TRDN: variants seen among roughly 807,000 people sequenced by gnomAD.
TRDN encodes the protein triadin, also known as triadin in skeletal muscle.
A neutral mutation model predicts 149.7 loss-of-function variants in TRDN; 161 were observed. That is an observed-to-expected ratio of 1.08 (90% CI 0.95 to 1.23). The LOEUF (loss-of-function observed/expected upper bound fraction) is 1.23. Ranked by LOEUF, TRDN falls within the 50% of genes most tolerant of loss-of-function variation. The pLI is 0.00. For synonymous variants in TRDN, 294 were observed against 250.5 expected (o/e 1.17, Z -1.64); for missense variants, 896 against 823.5 (o/e 1.09, Z -1.08).
chr6:123,236,824 CTT>C (rs1215341327), intron 38 of TRDN, among the ~76,000 whole-genome samples: 1 of 151,824 alleles, frequency 6.6e-6, no homozygotes, highest in Non-Finnish European at 1.5e-5. Flanking sequence ...ATCCCATACT[CTT>C]GTGATTACTG....
chr6:123,370,503 AGGTCACAACCAGTT>A (rs1253324179), intron 19 of TRDN, among the ~76,000 whole-genome samples: 3 of 152,174 alleles, frequency 2.0e-5, no homozygotes, highest in African/African-American at 7.2e-5. Flanking sequence ...AGTGGACACT[AGGTCACAACCAGTT>A]TTGTGTTTTC....
At chr6:123,424,624 G>T (rs185752796) in intron 12 of TRDN, among the ~76,000 whole-genome samples, 1 of 152,082 alleles carries the variant, frequency 6.6e-6, no homozygotes, top group African/African-American at 2.4e-5. Context: ...TGCTGAAACC[G>T]TGAGTTCTAT....
intron 1 of TRDN, among the ~76,000 whole-genome samples, chr6:123,588,439 T>C (rs1407837912): frequency 1.3e-5 from 2 of 152,172 alleles, no homozygotes; most frequent in Non-Finnish European, 2.9e-5. Flanking sequence ...CTCCTTCCCA[T>C]CATGGCCTGA....
chr6:123,550,092 A>G (rs1026635569), intron 2 of TRDN, among the ~76,000 whole-genome samples: 5 of 152,086 alleles, frequency 3.3e-5, no homozygotes, highest in Non-Finnish European at 7.4e-5. Context: ...ATGATTTACA[A>G]AAGAGAAGCT....
intron 12 of TRDN, among the ~76,000 whole-genome samples, chr6:123,395,214 C>T (rs1294907030): frequency 6.6e-6 from 1 of 152,068 alleles, no homozygotes; most frequent in Non-Finnish European, 1.5e-5. Flanking sequence ...TTATCTTCTC[C>T]TTTTTCTTTA....
chr6:123,225,131 A>C (rs1016844255), intron 38 of TRDN, among the ~76,000 whole-genome samples: 15 of 87,270 alleles, frequency 1.7e-4, no homozygotes, highest in Admixed American at 1.2e-3. Context: ...GGCACGTGGA[A>C]AGATGCCTTA....
chr6:123,550,103 C>G (rs1180897185), intron 2 of TRDN, among the ~76,000 whole-genome samples: 1 of 151,942 alleles, frequency 6.6e-6, no homozygotes, highest in Non-Finnish European at 1.5e-5. Context: ...AAGAGAAGCT[C>G]TAACTGAAAA....
intron 39 of TRDN, among the ~76,000 whole-genome samples, chr6:123,222,488 T>C (rs1582736089): frequency 8.2e-5 from 1 of 12,128 alleles, no homozygotes; most frequent in Non-Finnish European, 3.9e-4. Context: ...CTTAATTCAA[T>C]TTAAAAAATA....
In TRDN at chr6:123,475,658, A is replaced by G. The variant is rs1193535612; in HGVS notation, c.854-10675T>C. Among the ~76,000 whole-genome samples the G allele has an allele frequency of 3.6e-3, 425 of 118,488 alleles. 2 individuals carry two copies. Among genetic ancestry groups the G allele is most frequent in the Non-Finnish European group, 5.5e-3 (322 of 58,128 alleles). 77.7% of individuals were successfully genotyped at this position (118,488 alleles called of 152,430 possible). A position where few individuals can be genotyped will look rare whatever the true frequency, so the allele number is the denominator to read the frequency against. On this transcript the variant is annotated intron_variant, in intron 9 of 40. Transcript: ENST00000334268. The stretch of plus-strand genomic sequence containing the variant: ...GATGAACATTGATGCAAAAATCCTC[A>G]ATAAAATACTGGCAAAACGAATCCA...
chr6:123,622,819 A>G (rs1026686064), intron 1 of TRDN, among the ~76,000 whole-genome samples: 1 of 152,132 alleles, frequency 6.6e-6, no homozygotes. Context: ...TCATGATAGT[A>G]TTGCAAAGGA....
At chr6:123,428,763 T>C (rs377656397) in intron 12 of TRDN, among the ~76,000 whole-genome samples, 3 of 152,314 alleles carry the variant, frequency 2.0e-5, no homozygotes, top group African/African-American at 7.2e-5. Flanking sequence ...GTAATTTCTA[T>C]ACTTCTGCCT....
intron 20 of TRDN, among the ~76,000 whole-genome samples, chr6:123,364,321 G>A (rs1409002056): frequency 3.3e-5 from 5 of 152,132 alleles, no homozygotes; most frequent in Admixed American, 3.3e-4. Context: ...CCACAAACAT[G>A]GATTCACTAA....
chr6:123,388,635 A>T (rs1389491495), intron 13 of TRDN, 84 bp from the exon 14 acceptor site: 1 of 1,480,976 alleles, frequency 6.8e-7, no homozygotes, highest in Non-Finnish European at 9.2e-7. Flanking sequence ...TATTCCACAT[A>T]TTCATAAATT....
chr6:123,555,291 A>G (rs1205036273), intron 2 of TRDN, among the ~76,000 whole-genome samples: 4 of 152,130 alleles, frequency 2.6e-5, no homozygotes, highest in Non-Finnish European at 5.9e-5. Flanking sequence ...CTTAGAGCCA[A>G]ATGCCTTTTT....
In TRDN at chr6:123,325,687, T is replaced by A. The variant is rs1321729207; in HGVS notation, c.1471+6192A>T. 3.3e-5 allele frequency among the ~76,000 whole-genome samples: 5 copies of A among 152,078 alleles called. No individual in the cohort carries two copies. The East Asian group carries it at 9.6e-4, about 29-fold the overall frequency. On this transcript the variant is annotated intron_variant, in intron 23 of 40. Coordinates refer to ENST00000334268, the MANE Select transcript of TRDN (RefSeq NM_006073.4). ...GAACTTTGGGGACAAAACTCCACCT[T>A]TTTATGTTAATCACTGGACACTGGA...
intron 12 of TRDN, among the ~76,000 whole-genome samples, chr6:123,417,111 T>C (rs1773689467): frequency 1.3e-5 from 2 of 152,214 alleles, no homozygotes; most frequent in Non-Finnish European, 2.9e-5. Flanking sequence ...AATCATTAAG[T>C]CTATACAAAT....
chr6:123,334,978 A>G (rs1779809089), intron 22 of TRDN, among the ~76,000 whole-genome samples: 2 of 152,086 alleles, frequency 1.3e-5, no homozygotes, highest in South Asian at 4.1e-4. Context: ...CTGACAAAAT[A>G]CAACGCTAAT....
At chr6:123,341,345 T>C (rs1206385019) in intron 21 of TRDN, among the ~76,000 whole-genome samples, 2 of 151,938 alleles carry the variant, frequency 1.3e-5, no homozygotes, top group East Asian at 1.9e-4. Flanking sequence ...TTGTATTCTA[T>C]TGGGCTAAAG....
chr6:123,275,370 T>C (rs569505992), intron 26 of TRDN, among the ~76,000 whole-genome samples: 56 of 152,064 alleles, frequency 3.7e-4, no homozygotes, highest in African/African-American at 1.3e-3. Context: ...GAGATTGAAG[T>C]CATATATCTT....
Sources: allele counts gnomAD v4.1 joint callset (sites outside exome capture counted in the v4.1 genomes callset), GRCh38; gene constraint gnomAD v4.1.1; transcripts MANE v1.5; gene names NCBI Gene and HGNC (gene_info 2026-07-23, HGNC 2026-07-21).